Variants in INTS15 observed in about 807,000 individuals in gnomAD.
INTS15 encodes integrator complex subunit 15.
the INTS15 span, among the ~76,000 whole-genome samples, chr7:6,594,106 G>T: frequency 6.7e-6 from 1 of 148,820 alleles, no homozygotes; most frequent in African/African-American, 2.5e-5. Flanking sequence ...CTTCCCAGGT[G>T]TAAGTGATTC....
chr7:6,602,494 A>G, the INTS15 span, among the ~76,000 whole-genome samples: 692 of 152,230 alleles, frequency 4.5e-3, 4 homozygotes, highest in African/African-American at 0.015. Flanking sequence ...ACAGCACTGT[A>G]CGTTTGTTAG....
At chr7:6,590,095 C>G in the INTS15 span, 9 of 379,572 alleles carry the variant, frequency 2.4e-5, no homozygotes, top group African/African-American at 1.1e-4. Flanking sequence ...CCTTCGGGCG[C>G]CTGCTGGCCG....
chr7:6,601,993 T>C, the INTS15 span: 1 of 956,596 alleles, frequency 1.0e-6, no homozygotes, highest in Non-Finnish European at 1.7e-6. Context: ...GGAAATGTAG[T>C]ATGAGGCGCT....
chr7:6,606,066 T>G, the INTS15 span, among the ~76,000 whole-genome samples: 1 of 152,190 alleles, frequency 6.6e-6, no homozygotes, highest in Non-Finnish European at 1.5e-5. Context: ...CTTCTTGAAG[T>G]GCTTTCTATC....
chr7:6,608,092 C>A, the INTS15 span: 1 of 1,577,398 alleles, frequency 6.3e-7, no homozygotes, highest in South Asian at 1.1e-5. Flanking sequence ...CCGCCCACCC[C>A]GCCCTGCCCA....
At chr7:6,602,182 G>A in the INTS15 span, 1 of 1,583,534 alleles carries the variant, frequency 6.3e-7, no homozygotes, top group Non-Finnish European at 8.6e-7. Context: ...GCTTGCTGGA[G>A]CAGGGTGGAG....
At chr7:6,607,556 G>A in the INTS15 span, 1 of 1,330,366 alleles carries the variant, frequency 7.5e-7, no homozygotes, top group Admixed American at 2.3e-5. The surrounding 1 kb of genome is among the most constrained non-coding windows in gnomAD (Gnocchi z 6.0). Context: ...TTTCGGGGTC[G>A]TTTGCAAGGC....
the INTS15 span, chr7:6,607,821 C>T: frequency 1.3e-6 from 2 of 1,498,764 alleles, no homozygotes; most frequent in South Asian, 1.3e-5. This position sits in a 1 kb window ranked among gnomAD's most constrained non-coding sequence, Gnocchi z 6.0. Context: ...TCCGTGTCCA[C>T]CGCCTGGACC....
the INTS15 span, among the ~76,000 whole-genome samples, chr7:6,592,699 C>G: frequency 6.6e-6 from 1 of 151,148 alleles, no homozygotes; most frequent in Non-Finnish European, 1.5e-5. Flanking sequence ...GCCTTTGCCT[C>G]CTGGGCTCAA....
chr7:6,607,803 A>C, the INTS15 span: 1 of 1,487,846 alleles, frequency 6.7e-7, no homozygotes, highest in Non-Finnish European at 8.9e-7. The surrounding 1 kb of genome is among the most constrained non-coding windows in gnomAD (Gnocchi z 6.0). Flanking sequence ...TGGCTCTGCC[A>C]CTGCTTCTCC....
At chr7:6,594,440 G>C in the INTS15 span, 2 of 1,613,980 alleles carry the variant, frequency 1.2e-6, no homozygotes, top group East Asian at 4.5e-5. Flanking sequence ...TCCAGCGGAC[G>C]CCCGTGGTTT....
At chr7:6,603,596 C>G in the INTS15 span, among the ~76,000 whole-genome samples, 10 of 150,324 alleles carry the variant, frequency 6.7e-5, no homozygotes, top group Non-Finnish European at 1.0e-4. Flanking sequence ...CCCAGCACTT[C>G]GGGAGGCCAA....
At chr7:6,600,369 C>T in the INTS15 span, 1 of 1,602,588 alleles carries the variant, frequency 6.2e-7, no homozygotes, top group Non-Finnish European at 8.5e-7. Flanking sequence ...GGGTGCCTCC[C>T]TGGCCCAGGC....
chr7:6,594,712 C>T, the INTS15 span: 9 of 990,488 alleles, frequency 9.1e-6, no homozygotes, highest in South Asian at 1.5e-4. Context: ...TGTTTTGTCT[C>T]TGAAATGTAT....
At chr7:6,591,150 C>G in the INTS15 span, among the ~76,000 whole-genome samples, 13 of 152,046 alleles carry the variant, frequency 8.6e-5, no homozygotes, top group African/African-American at 3.1e-4. Context: ...TGACTTTTTT[C>G]TAAGATCAAC....
the INTS15 span, chr7:6,602,563 G>T: frequency 1.2e-5 from 5 of 420,724 alleles, no homozygotes; most frequent in Non-Finnish European, 2.0e-5. Flanking sequence ...GCGCGGCCCT[G>T]TCTGGGATTG....
the INTS15 span, among the ~76,000 whole-genome samples, chr7:6,605,938 A>C: frequency 1.3e-5 from 2 of 151,640 alleles, no homozygotes; most frequent in African/African-American, 4.8e-5. Flanking sequence ...ACCTCAGGTG[A>C]TCTGCCTTCC....
the INTS15 span, chr7:6,594,707 T>C: frequency 9.5e-7 from 1 of 1,057,786 alleles, no homozygotes; most frequent in Non-Finnish European, 1.4e-6. Context: ...TTGGCTGTTT[T>C]GTCTCTGAAA....
chr7:6,602,704 C>T, the INTS15 span: 3 of 471,070 alleles, frequency 6.4e-6, no homozygotes, highest in Admixed American at 7.1e-5. Flanking sequence ...TTGTGAATTT[C>T]TCATCCTACT....
Sources: gnomAD v4.1 joint callset for allele counts (sites outside exome capture counted in the v4.1 genomes callset) on GRCh38, gnomAD v4.1.1 for gene constraint, Gnocchi (gnomAD v3.1) non-coding constraint, MANE v1.5 for transcripts, NCBI Gene and HGNC (gene_info 2026-07-23, HGNC 2026-07-21) for gene names.